Variants in TMEM38B observed in about 807,000 individuals in gnomAD.
TMEM38B encodes the protein transmembrane protein 38B.
In TMEM38B, 24 loss-of-function variants were observed where a neutral mutation model predicts 28.7. That is an observed-to-expected ratio of 0.84 (90% CI 0.61 to 1.18). TMEM38B has a LOEUF of 1.18. Ranked by LOEUF, TMEM38B falls within the 50% of genes most tolerant of loss-of-function variation. The pLI is 0.00. For missense variants in TMEM38B, 380 were observed against 350.9 expected (o/e 1.08, Z -0.66); for synonymous variants, 131 against 127.7 (o/e 1.03, Z -0.17).
intron 3 of TMEM38B, 67 bp from the exon 4 acceptor site, chr9:105,722,467 G>T: frequency 8.2e-7 from 1 of 1,212,368 alleles, no homozygotes; most frequent in Non-Finnish European, 1.2e-6. Flanking sequence ...TAGAATTATG[G>T]CTCCCTTTAA....
Position 105,732,523 on chromosome 9 carries a change from A to G in TMEM38B, c.542+9902A>G, listed in dbSNP as rs1458695490. Among the ~76,000 whole-genome samples the G allele has an allele frequency of 2.0e-5, 3 of 152,160 alleles. No individual in the cohort carries two copies. The South Asian group carries it at 6.2e-4, about 32-fold the overall frequency. ...AAGGGATGCAGTTTCTGTTTTCTACATGTGGCTAGCCAGTTTTCCCAGCAC... is the reference window on the plus strand; with the variant it reads ...AAGGGATGCAGTTTCTGTTTTCTACGTGTGGCTAGCCAGTTTTCCCAGCAC... On this transcript the variant is annotated intron_variant, in intron 4 of 5. Coordinates refer to ENST00000374692, the MANE Select transcript of TMEM38B (RefSeq NM_018112.3).
At chr9:105,740,252 T>C (rs1234313038) in intron 4 of TMEM38B, among the ~76,000 whole-genome samples, 1 of 135,260 alleles carries the variant, frequency 7.4e-6, no homozygotes, top group East Asian at 2.3e-4. Context: ...TTAAATTTAT[T>C]CCTAGGTGTT....
At position 105,721,179 on chromosome 9, in the gene TMEM38B, C is replaced by T. The variant is rs541294665; in HGVS notation, c.270-358C>T. ...AGGACAAAGACACTGTGTAGGAGTT[C>T]CTACCCCTGGAAATGATTATACATT... On this transcript the variant is annotated intron_variant, in intron 2 of 5. Coordinates refer to ENST00000374692, the MANE Select transcript of TMEM38B (RefSeq NM_018112.3). 2.4e-4 allele frequency among the ~76,000 whole-genome samples: 36 copies of T among 152,258 alleles called. 1 individual carries two copies. The East Asian group carries it at 5.6e-3, about 24-fold the overall frequency.
chr9:105,701,065 T>C (rs937964081), intron 1 of TMEM38B: 4 of 152,118 alleles, frequency 2.6e-5, no homozygotes, highest in African/African-American at 9.7e-5. Flanking sequence ...AATTTCAGCC[T>C]ATTGTTCCCC....
At chr9:105,696,180 T>G (rs1254014803) in intron 1 of TMEM38B, among the ~76,000 whole-genome samples, 2 of 152,204 alleles carry the variant, frequency 1.3e-5, no homozygotes, top group Non-Finnish European at 2.9e-5. Flanking sequence ...AATCTAACAG[T>G]TTTCTATTTG....
At chr9:105,716,333 T>C (rs79504114) in intron 2 of TMEM38B, among the ~76,000 whole-genome samples, 2,253 of 152,088 alleles carry the variant, frequency 0.015, 56 homozygotes, top group African/African-American at 0.052. Context: ...CTTTGTCTTA[T>C]CTGGTATTAG....
At chr9:105,761,374 A>G (rs1838042193) in intron 5 of TMEM38B, among the ~76,000 whole-genome samples, 1 of 152,116 alleles carries the variant, frequency 6.6e-6, no homozygotes, top group African/African-American at 2.4e-5. Flanking sequence ...TTTAATATAT[A>G]TATGTTTTGA....
At chr9:105,773,667 A>G (rs111751132) in intron 5 of TMEM38B, among the ~76,000 whole-genome samples, 198 bp from the exon 6 acceptor site, 200 of 152,254 alleles carry the variant, frequency 1.3e-3, no homozygotes, top group African/African-American at 4.6e-3. Context: ...GGTACCTTGT[A>G]TTATTTTTAA....
chr9:105,756,945 TG>T (rs1453846819), intron 5 of TMEM38B, among the ~76,000 whole-genome samples: 10 of 152,160 alleles, frequency 6.6e-5, no homozygotes, highest in African/African-American at 1.9e-4. Context: ...GGGGGACAGG[TG>T]TTTTTTTGGT....
chr9:105,756,473 G>T (rs981126478), intron 5 of TMEM38B, among the ~76,000 whole-genome samples: 3 of 152,158 alleles, frequency 2.0e-5, no homozygotes, highest in Admixed American at 1.3e-4. Context: ...TGCTGAATGG[G>T]TGGGAGCTGT....
chr9:105,697,430 G>A (rs924415547), intron 1 of TMEM38B, among the ~76,000 whole-genome samples: 1 of 152,186 alleles, frequency 6.6e-6, no homozygotes, highest in Non-Finnish European at 1.5e-5. Flanking sequence ...GTGTTAGACT[G>A]CCCATTTCCT....
chr9:105,720,001 A>G (rs555977560), intron 2 of TMEM38B, among the ~76,000 whole-genome samples: 209 of 152,254 alleles, frequency 1.4e-3, no homozygotes, highest in African/African-American at 4.8e-3. Flanking sequence ...AGAGAGAACT[A>G]TACAGACTTT....
intron 4 of TMEM38B, among the ~76,000 whole-genome samples, chr9:105,734,011 T>G (rs965883619): frequency 6.6e-6 from 1 of 152,110 alleles, no homozygotes; most frequent in Non-Finnish European, 1.5e-5. Context: ...TGTTCTTTTT[T>G]TATTTCCTTG....
chr9:105,764,184 C>T (rs1315459265), intron 5 of TMEM38B, among the ~76,000 whole-genome samples: 1 of 151,534 alleles, frequency 6.6e-6, no homozygotes, highest in Admixed American at 6.6e-5. Context: ...GACAGGGATG[C>T]CCTCTCTCAC....
chr9:105,711,063 A>G (rs1440625044), intron 2 of TMEM38B, among the ~76,000 whole-genome samples: 2 of 152,376 alleles, frequency 1.3e-5, no homozygotes, highest in East Asian at 3.9e-4. Context: ...AAAGTTATGC[A>G]AAATAGAATT....
chr9:105,694,935 T>C (rs1388211306), intron 1 of TMEM38B, among the ~76,000 whole-genome samples, 163 bp downstream of exon 1: 1 of 152,168 alleles, frequency 6.6e-6, no homozygotes, highest in East Asian at 1.9e-4. Context: ...TTGGTCTGAC[T>C]TACTGAGTGC....
intron 5 of TMEM38B, among the ~76,000 whole-genome samples, chr9:105,764,746 T>G (rs4636262): frequency 2.9e-4 from 44 of 149,678 alleles, no homozygotes; most frequent in Non-Finnish European, 4.3e-4. Flanking sequence ...AAAGTTCATA[T>G]GGAACCAAAA....
chr9:105,725,754 C>G (rs560490643), intron 4 of TMEM38B, among the ~76,000 whole-genome samples: 1 of 152,126 alleles, frequency 6.6e-6, no homozygotes, highest in African/African-American at 2.4e-5. Context: ...AAATGATACA[C>G]TTGTATAGGG....
chr9:105,705,634 C>T lies in TMEM38B; in HGVS notation c.150C>T (p.Ser50=). 3 of 1,613,892 alleles carry T rather than the reference C, an allele frequency of 1.9e-6. No individual in the cohort carries two copies. Among genetic ancestry groups the T allele is most frequent in the African/African-American group, 1.3e-5 (1 of 75,024 alleles). ...AALAWKNPIS[S]WFTAMLHCFG... is the part of the protein sequence containing the mutation. ...TGGCATGGAAGAATCCTATTTCAAG[C>T]TGGTTTACTGCTATGCTCCACTGTT... Residue 50 remains serine, a synonymous_variant, in exon 2 of 6, where the codon AGC becomes AGT. Coordinates refer to ENST00000374692, the MANE Select transcript of TMEM38B (RefSeq NM_018112.3).
Sources: allele counts gnomAD v4.1 joint callset (sites outside exome capture counted in the v4.1 genomes callset), GRCh38; gene constraint gnomAD v4.1.1; transcripts MANE v1.5; gene names NCBI Gene and HGNC (gene_info 2026-07-23, HGNC 2026-07-21).